Variants in ERMP1 observed in about 807,000 individuals in gnomAD.
The protein encoded by ERMP1 is endoplasmic reticulum metallopeptidase 1.
A neutral mutation model predicts 92.0 loss-of-function variants in ERMP1; 86 were observed. The ratio of observed to expected loss-of-function variants is 0.93; its 90% CI spans 0.79 to 1.12. The LOEUF (loss-of-function observed/expected upper bound fraction) is 1.12. Ranked by LOEUF, ERMP1 falls within the 50% of genes most tolerant of loss-of-function variation. ERMP1 has a pLI of 0.00. For missense variants in ERMP1, 1,342 were observed against 1,116.3 expected, an observed-to-expected ratio of 1.20 and a Z score of -2.88; for synonymous variants, 530 against 412.8, an observed-to-expected ratio of 1.28 and a Z score of -3.44.
chr9:5,799,581 G>A (rs542603050), intron 11 of ERMP1, among the ~76,000 whole-genome samples: 2 of 152,204 alleles, frequency 1.3e-5, no homozygotes, highest in African/African-American at 4.8e-5. Context: ...CAGCCAACAG[G>A]GCAAACTGTC....
intron 12 of ERMP1, among the ~76,000 whole-genome samples, chr9:5,798,341 C>T (rs1472572062): frequency 1.3e-5 from 2 of 152,082 alleles, no homozygotes; most frequent in East Asian, 1.9e-4. Context: ...CTCAGCCTCC[C>T]GAGTACCTGG....
chr9:5,847,827 G>A (rs1424019457), intron 6 of ERMP1, among the ~76,000 whole-genome samples: 4 of 151,638 alleles, frequency 2.6e-5, no homozygotes, highest in East Asian at 1.9e-4. Flanking sequence ...CCCAGGAGGC[G>A]GAGCTTGCAG....
chr9:5,831,790 G>C (rs1026933323), intron 1 of ERMP1, among the ~76,000 whole-genome samples: 1 of 152,106 alleles, frequency 6.6e-6, no homozygotes, highest in African/African-American at 2.4e-5. Flanking sequence ...AGCCCTCCTA[G>C]CATACACCCA....
At chr9:5,811,671 G>C (rs1018021473) in intron 6 of ERMP1, among the ~76,000 whole-genome samples, 2 of 151,988 alleles carry the variant, frequency 1.3e-5, no homozygotes, top group African/African-American at 4.8e-5. Flanking sequence ...CTGTTTCTTG[G>C]TACCCATTCA....
At chr9:5,850,118 C>G (rs4501637) in intron 6 of ERMP1, among the ~76,000 whole-genome samples, 87,553 of 151,838 alleles carry the variant, frequency 0.58, 27,484 homozygotes, top group Middle Eastern at 0.73. Flanking sequence ...GGTCTCCCCC[C>G]CTTTACACTC....
chr9:5,815,513 A>G lies in ERMP1; in HGVS notation c.875-2478T>C, dbSNP rs63618061. On this transcript the variant is annotated intron_variant, in intron 4 of 14. Transcript: ENST00000339450. ...AAATAACAAAAAAAAAAAAAAAAAA[A>G]GGAAAATGGAAAGCCTTCCTTCTTG... Among the ~76,000 whole-genome samples the G allele has an allele frequency of 1.1e-4, 15 of 141,504 alleles. No homozygotes were observed. In the South Asian group the frequency reaches 3.1e-3, roughly 29 times the overall value. The allele number at this position is 141,504 out of a possible 152,430, so 92.8% of individuals were successfully genotyped here.
chr9:5,833,202 C>G, upstream of ERMP1: 2 of 580,346 alleles, frequency 3.4e-6, no homozygotes, highest in African/African-American at 2.0e-5. Flanking sequence ...TTTGGCAGTT[C>G]TCGGGTGCAC....
chr9:5,850,716 G>A (rs1231858813), intron 6 of ERMP1, among the ~76,000 whole-genome samples: 1 of 152,206 alleles, frequency 6.6e-6, no homozygotes, highest in Non-Finnish European at 1.5e-5. Context: ...CCAGGCAATT[G>A]TATAATTTTG....
chr9:5,824,592 G>A (rs1235409085), intron 3 of ERMP1, among the ~76,000 whole-genome samples: 12 of 152,020 alleles, frequency 7.9e-5, no homozygotes, highest in East Asian at 1.9e-4. Context: ...TAGTAGAGAC[G>A]GGGTTTCACC....
chr9:5,864,096 A>T (rs1830579944), intron 5 of ERMP1, among the ~76,000 whole-genome samples: 1 of 152,372 alleles, frequency 6.6e-6, no homozygotes, highest in Non-Finnish European at 1.5e-5. Context: ...CCAGAATTGC[A>T]CATTTTCACT....
intron 6 of ERMP1, among the ~76,000 whole-genome samples, chr9:5,852,873 C>G (rs1830327451): frequency 6.6e-6 from 1 of 152,172 alleles, no homozygotes. Context: ...CCTTTCCTGA[C>G]TACAGGGTCA....
chr9:5,857,545 A>G (rs910407111), intron 6 of ERMP1, among the ~76,000 whole-genome samples: 1 of 152,236 alleles, frequency 6.6e-6, no homozygotes, highest in Non-Finnish European at 1.5e-5. Context: ...AGCATCTACT[A>G]TACCTAGACT....
chr9:5,795,822 C>CAAACAA lies in ERMP1; in HGVS notation c.2386+1989_2386+1994dup, dbSNP rs776712618. Among the ~76,000 whole-genome samples the CAAACAA allele has an allele frequency of 1.6e-3, 248 of 151,820 alleles. 3 individuals carry two copies. The East Asian group carries it at 0.041, about 25-fold the overall frequency. On this transcript the variant is annotated intron_variant, in intron 13 of 14. Coordinates refer to ENST00000339450, the MANE Select transcript of ERMP1 (RefSeq NM_024896.3). ...AAGAAAATCTTCTTAAAGAATAAAC[C>CAAACAA]AAACAAAAACAAAAACAAAAACAAA...
At chr9:5,849,749 C>T (rs905896668) in intron 6 of ERMP1, among the ~76,000 whole-genome samples, 1 of 152,176 alleles carries the variant, frequency 6.6e-6, no homozygotes, top group Non-Finnish European at 1.5e-5. Context: ...TTCTAGCACA[C>T]TTTTGGCATG....
At chr9:5,855,543 T>G (rs1342615050) in intron 6 of ERMP1, among the ~76,000 whole-genome samples, 3 of 152,264 alleles carry the variant, frequency 2.0e-5, no homozygotes, top group African/African-American at 7.2e-5. Context: ...TGTATGCTGT[T>G]TGAAATCCAG....
chr9:5,809,969 G>A (rs1391563257), intron 8 of ERMP1, 42 bp downstream of exon 8: 1 of 1,343,876 alleles, frequency 7.4e-7, no homozygotes, highest in African/African-American at 1.4e-5. Flanking sequence ...TTCAGTCCCT[G>A]GAGGCAACAG....
chr9:5,804,713 A>G (rs565846072), intron 10 of ERMP1, among the ~76,000 whole-genome samples: 77 of 152,118 alleles, frequency 5.1e-4, no homozygotes, highest in Non-Finnish European at 9.9e-4. Flanking sequence ...CCACCAGGCA[A>G]TCTCTAACAA....
upstream of ERMP1, among the ~76,000 whole-genome samples, chr9:5,834,800 T>C (rs1440061460): frequency 6.7e-6 from 1 of 149,278 alleles, no homozygotes; most frequent in Admixed American, 6.7e-5. Context: ...GCTGCCTGGC[T>C]GTTGGGGACG....
chr9:5,846,446 C>A (rs931865340), intron 6 of ERMP1, among the ~76,000 whole-genome samples: 10 of 152,302 alleles, frequency 6.6e-5, no homozygotes, highest in African/African-American at 2.4e-4. Context: ...CCTCCCTTGG[C>A]CATTTCACAG....
Sources: allele counts gnomAD v4.1 joint callset (sites outside exome capture counted in the v4.1 genomes callset), GRCh38; gene constraint gnomAD v4.1.1; transcripts MANE v1.5; gene names NCBI Gene and HGNC (gene_info 2026-07-23, HGNC 2026-07-21).